The following RBM33 variants were observed in gnomAD, a reference collection of about 807,000 sequenced individuals.
The protein encoded by RBM33 is RNA binding motif protein 33.
A neutral mutation model predicts 132.6 loss-of-function variants in RBM33; 28 were observed. The ratio of observed to expected loss-of-function variants is 0.21; its 90% CI spans 0.16 to 0.29. The LOEUF is 0.29. Ranked by LOEUF, RBM33 falls within the 10% of genes least tolerant of loss-of-function variation. RBM33 has a pLI of 1.00. For missense variants in RBM33, 1,291 were observed against 1,518.5 expected (o/e 0.85, Z 2.49); for synonymous variants, 634 against 593.0 (o/e 1.07, Z -1.01).
Position 155,774,883 on chromosome 7 carries a change from T to C in RBM33, c.3465-110T>C, listed in dbSNP as rs898985962. 5 of 959,580 alleles carry C rather than the reference T, an allele frequency of 5.2e-6. No individual in the cohort carries two copies. Among genetic ancestry groups the C allele is most frequent in the African/African-American group, 4.9e-5 (3 of 61,082 alleles). 59.4% of individuals were successfully genotyped at this position (959,580 alleles called of 1,614,324 possible). On this transcript the variant is annotated intron_variant, in intron 17 of 17. Transcript: ENST00000401878. The surrounding 1 kb of genome is among the most constrained non-coding windows in gnomAD (Gnocchi z 4.2). ...CCGGGGAATCTGCCTTTTTATATGA[T>C]GCGTTTTTATTAAACAGGACCCACC...
At chr7:155,665,612 G>A (rs1481316490) in intron 2 of RBM33, among the ~76,000 whole-genome samples, 6 of 152,128 alleles carry the variant, frequency 3.9e-5, no homozygotes, top group Admixed American at 6.5e-5. Context: ...ACACTTTAAC[G>A]TTTTTTCCAT....
chr7:155,727,167 C>G (rs2362380), intron 9 of RBM33, among the ~76,000 whole-genome samples: 36,588 of 152,090 alleles, frequency 0.24, 4,672 homozygotes, highest in African/African-American at 0.32. Flanking sequence ...GTTTTTCCAT[C>G]TACCCATCAC....
At chr7:155,729,742 C>CAAA (rs5888634) in intron 9 of RBM33, among the ~76,000 whole-genome samples, 12 of 101,384 alleles carry the variant, frequency 1.2e-4, no homozygotes, top group Middle Eastern at 0.011. Context: ...GTCTCTTTAA[C>CAAA]AAAAAAAAAA....
chr7:155,714,730 G>A (rs903967267), intron 8 of RBM33, among the ~76,000 whole-genome samples: 1 of 152,174 alleles, frequency 6.6e-6, no homozygotes, highest in Non-Finnish European at 1.5e-5. Context: ...TGATGGGTGG[G>A]GAATTTGGGA....
At chr7:155,750,070 C>A (rs1801645880) in intron 14 of RBM33, among the ~76,000 whole-genome samples, 1 of 152,158 alleles carries the variant, frequency 6.6e-6, no homozygotes, top group South Asian at 2.1e-4. Context: ...CAAATTAATG[C>A]TGCTTATAAG....
intron 12 of RBM33, among the ~76,000 whole-genome samples, chr7:155,740,479 T>G (rs985396903): frequency 6.8e-4 from 103 of 152,384 alleles, no homozygotes; most frequent in Non-Finnish European, 4.3e-4. Context: ...CAGGTGCTAC[T>G]CTAGTCCTGG....
In RBM33 at chr7:155,764,009, G is replaced by A. The variant is rs1227104370; in HGVS notation, c.3177G>A (p.Pro1059=). The stretch of plus-strand genomic sequence containing the variant: ...TCAAAAGCATCCAAGGAATTCACCC[G>A]GCGAAGAAGGTACTGCTTGTTGCCT... ...PGIKSIQGIH[P]AKKAIMHGRG... Residue 1059 remains proline (P), a synonymous_variant, in exon 15 of 18, where the codon CCG becomes CCA. Transcript: ENST00000401878. 3.2e-6 allele frequency: 5 copies of A among 1,544,424 alleles called. No homozygotes were observed. Among genetic ancestry groups the A allele is most frequent in the South Asian group, 1.2e-5 (1 of 80,842 alleles).
chr7:155,718,770 T>C (rs1208733788), intron 9 of RBM33, among the ~76,000 whole-genome samples: 2 of 152,186 alleles, frequency 1.3e-5, no homozygotes, highest in African/African-American at 4.8e-5. Context: ...GGGGGGTGTA[T>C]GTGTGCATGC....
rs1554481863 is a variant in RBM33 at position 155,737,245 on chromosome 7, CGT to C, written c.1261-265_1261-264del. ...TAGAAAGCGCTACCATCTAGGTGCG[CGT>C]GTGTGTGTGTGTGTGTGTGATTACA... On this transcript the variant is annotated intron_variant, in intron 9 of 17. Transcript: ENST00000401878. Among the ~76,000 whole-genome samples, 363 of 149,016 alleles carry C rather than the reference CGT, an allele frequency of 2.4e-3. 1 individual carries two copies. The highest frequency in any genetic ancestry group is 5.2e-3 in the African/African-American group (213 of 40,618).
rs554542751 is a variant in RBM33, at chr7:155,700,952, T to C, written c.739+8T>C. On this transcript the variant is annotated splice_region_variant and intron_variant, in intron 6 of 17. Transcript: ENST00000401878. The stretch of plus-strand genomic sequence containing the variant: ...ACATTCCAGAAACTTTGGGTAACTT[T>C]TTTGCCTGTCTCCCATCCTCCTTTA... 3.1e-5 allele frequency: 50 copies of C among 1,605,748 alleles called. No individual in the cohort carries two copies. The South Asian group carries it at 4.9e-4, about 16-fold the overall frequency.
At chr7:155,751,109 C>T (rs980661791) in intron 14 of RBM33, among the ~76,000 whole-genome samples, 25 of 152,176 alleles carry the variant, frequency 1.6e-4, no homozygotes, top group South Asian at 2.1e-4. Flanking sequence ...ATACCTGATC[C>T]GTTTTGTGGA....
rs773892513 is a variant in RBM33, at chr7:155,738,133, T to C, written c.1467T>C (p.Pro489=). 1 of 1,614,012 alleles carries C rather than the reference T, an allele frequency of 6.2e-7. No individual in the cohort carries two copies. The change falls in exon 11 of 18, where the codon CCT becomes CCC. Residue 489 remains proline, a synonymous_variant. Transcript: ENST00000401878. ...QRSPPPPPPP[P]TLLNSSHPVP... is the part of the protein sequence containing the mutation. ...GTCCCCCTCCACCACCACCGCCTCC[T>C]ACCCTTCTTAACAGTAGCCATCCTG...
intron 3 of RBM33, among the ~76,000 whole-genome samples, chr7:155,673,940 G>GTTGTTGTTGTTTTTTTTT: frequency 1.8e-5 from 1 of 54,214 alleles, no homozygotes; most frequent in African/African-American, 8.3e-5. Flanking sequence ...TTTAGGCTTA[G>GTTGTTGTTGTTTTTTTTT]TTTTTTTTTT....
chr7:155,687,721 T>C (rs1799520273), intron 5 of RBM33, among the ~76,000 whole-genome samples: 1 of 152,252 alleles, frequency 6.6e-6, no homozygotes, highest in Admixed American at 6.5e-5. Flanking sequence ...CAGCACCATT[T>C]ATTAAATAGG....
Position 155,767,810 on chromosome 7 carries a change from G to A in RBM33, c.3375+1155G>A, listed in dbSNP as rs1802275011. ...TAGAAGCGTACAGTGTATGTTTAAG[G>A]ATATTTCAAAACAATTGATCATAAT... On this transcript the variant is annotated intron_variant, in intron 16 of 17. Coordinates refer to ENST00000401878, the MANE Select transcript of RBM33 (RefSeq NM_053043.3). Among the ~76,000 whole-genome samples, 4 of 152,218 alleles carry A rather than the reference G, an allele frequency of 2.6e-5. 1 individual carries two copies. The South Asian group carries it at 8.3e-4, about 32-fold the overall frequency.
At position 155,739,991 on chromosome 7, in the gene RBM33, CG is replaced by C; in HGVS notation, c.2016del (p.Met673CysfsTer18). On this transcript the variant is annotated frameshift_variant, in exon 12 of 18. Coordinates refer to ENST00000401878, the MANE Select transcript of RBM33 (RefSeq NM_053043.3). LOFTEE classifies it high-confidence loss of function. Reference sequence around the variant, plus strand: ...CGCTCAGCCTCAGGCCAGCAGCAGCCGGATGCAGTGCCCCCAGCGCCAGGGG... The same window carrying C: ...CGCTCAGCCTCAGGCCAGCAGCAGCCGATGCAGTGCCCCCAGCGCCAGGGG... The part of the protein sequence containing the change: ...QTAQPQASSS[R>X]MQCPQRQGLR... 1 of 1,565,232 alleles carries C rather than the reference CG, an allele frequency of 6.4e-7. No homozygotes were observed. The highest frequency in any genetic ancestry group is 8.7e-7 in the Non-Finnish European group (1 of 1,153,168).
chr7:155,761,162 T>TA (rs1294122974), intron 14 of RBM33, among the ~76,000 whole-genome samples: 2 of 152,224 alleles, frequency 1.3e-5, no homozygotes, highest in Non-Finnish European at 2.9e-5. Flanking sequence ...GGATGAATCT[T>TA]ACCTGGTCAT....
intron 8 of RBM33, among the ~76,000 whole-genome samples, chr7:155,717,231 T>TA (rs1800488161): frequency 1.3e-5 from 2 of 152,178 alleles, no homozygotes; most frequent in Non-Finnish European, 2.9e-5. Context: ...AACAGAAACT[T>TA]ATTTTCTCGC....
intron 8 of RBM33, among the ~76,000 whole-genome samples, chr7:155,717,441 A>G (rs1214224132): frequency 6.7e-6 from 1 of 149,718 alleles, no homozygotes; most frequent in Non-Finnish European, 1.5e-5. Context: ...ATTTGACCTC[A>G]ATTACCTCTT....
Sources: gnomAD v4.1 joint callset for allele counts (sites outside exome capture counted in the v4.1 genomes callset) on GRCh38, gnomAD v4.1.1 for gene constraint, Gnocchi (gnomAD v3.1) non-coding constraint, MANE v1.5 for transcripts, NCBI Gene and HGNC (gene_info 2026-07-23, HGNC 2026-07-21) for gene names.